AIG1: variants seen among roughly 807,000 people sequenced by gnomAD.
The protein encoded by AIG1 is androgen induced 1, also known as androgen-induced gene 1 protein.
AIG1 carries 23 observed loss-of-function variants against 31.4 expected under a neutral mutation model. That is an observed-to-expected ratio of 0.73 (90% CI 0.53 to 1.04). AIG1 has a LOEUF of 1.04. Ranked by LOEUF, AIG1 falls within the 50% of genes least tolerant of loss-of-function variation. The probability of loss-of-function intolerance (pLI) is 0.00; values close to 1 mark genes in which losing one functional copy is unlikely to be tolerated. For synonymous variants in AIG1, 100 were observed against 110.5 expected (o/e 0.90, Z 0.60); for missense variants, 274 against 295.0 (o/e 0.93, Z 0.52).
chr6:143,145,150 G>A (rs1393130273), intron 2 of AIG1, among the ~76,000 whole-genome samples: 2 of 152,014 alleles, frequency 1.3e-5, no homozygotes, highest in South Asian at 2.1e-4. Flanking sequence ...TCAGCATCCC[G>A]AGTAGCTGGG....
intron 1 of AIG1, among the ~76,000 whole-genome samples, chr6:143,098,241 A>T (rs771340527): frequency 4.6e-5 from 7 of 152,220 alleles, no homozygotes; most frequent in Non-Finnish European, 1.0e-4. Flanking sequence ...AATCAAGGTC[A>T]TCAGTAACCA....
chr6:143,221,771 G>A (rs951516959), intron 3 of AIG1, among the ~76,000 whole-genome samples: 37 of 151,970 alleles, frequency 2.4e-4, no homozygotes, highest in Non-Finnish European at 7.4e-5. Context: ...TTCATGTAAC[G>A]TGCTTACAGC....
In AIG1 at chr6:143,331,744, G is replaced by A. The variant is rs560154684; in HGVS notation, c.516-1538G>A. ...ACCACCAACCCCAGAATGAATTTTC[G>A]CCTGCAAGAAGAGGGGGGATCTCAC... On this transcript the variant is annotated intron_variant, in intron 4 of 5. Coordinates refer to ENST00000357847, the MANE Select transcript of AIG1 (RefSeq NM_016108.4). This position sits in a 1 kb window ranked among gnomAD's most constrained non-coding sequence, Gnocchi z 4.1. Among the ~76,000 whole-genome samples, 33 of 151,788 alleles carry A rather than the reference G, an allele frequency of 2.2e-4. No individual in the cohort carries two copies. The highest frequency in any genetic ancestry group is 3.1e-4 in the Non-Finnish European group (21 of 67,940).
intron 1 of AIG1, among the ~76,000 whole-genome samples, chr6:143,077,632 G>A (rs1435207286): frequency 6.6e-6 from 1 of 152,058 alleles, no homozygotes; most frequent in Non-Finnish European, 1.5e-5. Flanking sequence ...CTCATCTTTG[G>A]TTTTCAGCAG....
At chr6:143,252,520 A>G (rs1189497451) in intron 3 of AIG1, among the ~76,000 whole-genome samples, 1 of 152,186 alleles carries the variant, frequency 6.6e-6, no homozygotes, top group Non-Finnish European at 1.5e-5. Context: ...GAGTGGGGAA[A>G]TTTTTCATAA....
At chr6:143,097,166 T>C (rs1779872707) in intron 1 of AIG1, among the ~76,000 whole-genome samples, 1 of 152,044 alleles carries the variant, frequency 6.6e-6, no homozygotes, top group African/African-American at 2.4e-5. Flanking sequence ...TTTTGTTTTT[T>C]TTTTTCCTAA....
chr6:143,295,134 A>T (rs9496563), intron 4 of AIG1, among the ~76,000 whole-genome samples: 1 of 152,050 alleles, frequency 6.6e-6, no homozygotes, highest in Admixed American at 6.6e-5. Flanking sequence ...AATCTATGAG[A>T]CATCCTCAAC....
downstream of AIG1, chr6:143,343,050 A>G (rs112715579): frequency 5.3e-4 from 421 of 790,416 alleles, 2 homozygotes; most frequent in African/African-American, 6.3e-3. Flanking sequence ...CCACACGAAG[A>G]TATGGACCAT....
chr6:143,155,420 T>C (rs1785646953), intron 2 of AIG1, among the ~76,000 whole-genome samples: 1 of 152,002 alleles, frequency 6.6e-6, no homozygotes, highest in African/African-American at 2.4e-5. Context: ...CCCATTTCTA[T>C]GGTCGGGTGA....
intron 3 of AIG1, among the ~76,000 whole-genome samples, chr6:143,212,719 AGTGT>A (rs981623079): frequency 1.3e-5 from 2 of 152,102 alleles, no homozygotes; most frequent in African/African-American, 2.4e-5. Flanking sequence ...AAGAGCTTCG[AGTGT>A]GTGTGTCTGT....
chr6:143,339,620 A>T lies in AIG1; in HGVS notation c.680-19A>T. ...GTTTAATCTGATGCTCAAATAAAAC[A>T]CTTTGCCTGTATTTCTAGGTATGGA... On this transcript the variant is annotated intron_variant, in intron 5 of 5. Transcript: ENST00000357847. The T allele has an allele frequency of 6.2e-7, 1 of 1,612,314 alleles. No individual in the cohort carries two copies. The highest frequency in any genetic ancestry group is 8.5e-7 in the Non-Finnish European group (1 of 1,179,120).
At chr6:143,185,825 C>T (rs991876254) in intron 3 of AIG1, among the ~76,000 whole-genome samples, 1 of 152,138 alleles carries the variant, frequency 6.6e-6, no homozygotes, top group African/African-American at 2.4e-5. Context: ...CCTTATTCTC[C>T]AAGTCTAGTA....
chr6:143,159,856 C>T (rs1786167801), intron 2 of AIG1, among the ~76,000 whole-genome samples: 1 of 152,138 alleles, frequency 6.6e-6, no homozygotes, highest in Non-Finnish European at 1.5e-5. Context: ...TATTCTCACA[C>T]CCATACTTTC....
chr6:143,295,090 T>A (rs532384343), intron 4 of AIG1, among the ~76,000 whole-genome samples: 1 of 152,262 alleles, frequency 6.6e-6, no homozygotes, highest in South Asian at 2.1e-4. Context: ...TGCATCCCCT[T>A]GTCATCATCC....
intron 3 of AIG1, among the ~76,000 whole-genome samples, chr6:143,255,216 C>T (rs1409228888): frequency 6.6e-6 from 1 of 152,218 alleles, no homozygotes; most frequent in Non-Finnish European, 1.5e-5. Context: ...CCACCCTCTT[C>T]TCTGTAACTG....
chr6:143,249,886 C>T (rs542378549), intron 3 of AIG1, among the ~76,000 whole-genome samples: 5 of 152,202 alleles, frequency 3.3e-5, no homozygotes, highest in East Asian at 3.9e-4. Flanking sequence ...GGAGGTCACC[C>T]TAGGGGCCAC....
intron 1 of AIG1, among the ~76,000 whole-genome samples, chr6:143,126,010 A>C (rs1782657756): frequency 6.6e-6 from 1 of 152,246 alleles, no homozygotes. Context: ...TTGATGGTGC[A>C]GTTAGCCCAT....
intron 1 of AIG1, among the ~76,000 whole-genome samples, chr6:143,073,086 A>C (rs1777437104): frequency 6.6e-6 from 1 of 152,000 alleles, no homozygotes; most frequent in Admixed American, 6.6e-5. Flanking sequence ...ATCTCTGTAT[A>C]TTTGAATTTT....
In AIG1 at chr6:143,068,742, G is replaced by T. The variant is rs995771057; in HGVS notation, c.141+7676G>T. On this transcript the variant is annotated intron_variant, in intron 1 of 5. Transcript: ENST00000357847. ...CTTAGCATTTTAGTGCTTCAGGATGGTATTTATTTTGGAACTTTAGTACAT... is the reference window on the plus strand; with the variant it reads ...CTTAGCATTTTAGTGCTTCAGGATGTTATTTATTTTGGAACTTTAGTACAT... Among the ~76,000 whole-genome samples the T allele has an allele frequency of 4.7e-5, 7 of 150,326 alleles. No individual in the cohort carries two copies. The Admixed American group carries it at 4.8e-4, about 10-fold the overall frequency.
Sources: gnomAD v4.1 joint callset for allele counts (sites outside exome capture counted in the v4.1 genomes callset) on GRCh38, gnomAD v4.1.1 for gene constraint, Gnocchi (gnomAD v3.1) non-coding constraint, MANE v1.5 for transcripts, NCBI Gene and HGNC (gene_info 2026-07-23, HGNC 2026-07-21) for gene names.